EGFLAM: variants seen among roughly 807,000 people sequenced by gnomAD.
The protein encoded by EGFLAM is pikachurin.
Under a neutral mutation model 113.1 loss-of-function variants are expected in EGFLAM, and 79 were observed. The observed-to-expected ratio is 0.70, with a 90% CI of 0.58 to 0.84. The LOEUF is 0.84. Among genes scored for constraint, EGFLAM ranks in the 40% least tolerant of loss-of-function variants. The pLI is 0.00. For synonymous variants in EGFLAM, 504 were observed against 487.6 expected (o/e 1.03, Z -0.44); for missense variants, 1,265 against 1,291.6 (o/e 0.98, Z 0.32).
chr5:38,292,674 A>G (rs1192441551), intron 1 of EGFLAM, among the ~76,000 whole-genome samples: 1 of 152,224 alleles, frequency 6.6e-6, no homozygotes, highest in Non-Finnish European at 1.5e-5. Flanking sequence ...ATGCAAAAGT[A>G]TGTGTTCCTA....
intron 17 of EGFLAM, among the ~76,000 whole-genome samples, chr5:38,440,674 T>C (rs1742504407): frequency 6.6e-6 from 1 of 152,176 alleles, no homozygotes; most frequent in Admixed American, 6.5e-5. Context: ...TAGCCTCATA[T>C]ATTTAAAAGT....
At chr5:38,371,520 A>G (rs1429012888) in intron 6 of EGFLAM, among the ~76,000 whole-genome samples, 1 of 151,998 alleles carries the variant, frequency 6.6e-6, no homozygotes, top group Admixed American at 6.6e-5. Context: ...TTTGAAAACA[A>G]CCTCTACCCT....
At chr5:38,403,680 G>T (rs1047292607) in intron 6 of EGFLAM, 2 of 1,252,422 alleles carry the variant, frequency 1.6e-6, no homozygotes, top group African/African-American at 3.0e-5. Context: ...CTTATGAATT[G>T]TTTATTTCTG....
intron 1 of EGFLAM, among the ~76,000 whole-genome samples, chr5:38,265,112 A>G (rs1180547375): frequency 6.6e-6 from 1 of 152,224 alleles, no homozygotes; most frequent in Non-Finnish European, 1.5e-5. Flanking sequence ...ATTCTTTCTC[A>G]GGGAAGAGTG....
chr5:38,285,422 T>G (rs2111770883), intron 1 of EGFLAM, among the ~76,000 whole-genome samples: 1 of 152,320 alleles, frequency 6.6e-6, no homozygotes, highest in South Asian at 2.1e-4. Context: ...CACAACGGCC[T>G]CATTGTAACT....
chr5:38,299,041 G>T (rs549365439), intron 1 of EGFLAM, among the ~76,000 whole-genome samples: 1 of 152,260 alleles, frequency 6.6e-6, no homozygotes, highest in East Asian at 1.9e-4. Context: ...TTCTTCCTAT[G>T]TAACAGTTGA....
chr5:38,377,580 A>C, intron 6 of EGFLAM, among the ~76,000 whole-genome samples: 1 of 152,238 alleles, frequency 6.6e-6, no homozygotes, highest in East Asian at 1.9e-4. Context: ...CCCTACTGCT[A>C]CTGTATGGGA....
intron 1 of EGFLAM, among the ~76,000 whole-genome samples, chr5:38,334,555 G>T (rs1489062599): frequency 6.6e-6 from 1 of 152,140 alleles, no homozygotes; most frequent in Admixed American, 6.5e-5. Flanking sequence ...ATTACATTAG[G>T]AATTAGAGTT....
chr5:38,274,791 C>A (rs1757846599), intron 1 of EGFLAM, among the ~76,000 whole-genome samples: 1 of 152,144 alleles, frequency 6.6e-6, no homozygotes, highest in Admixed American at 6.5e-5. Flanking sequence ...AGTAAGTACA[C>A]AGTCAAATTC....
At chr5:38,326,119 G>A (rs192990659) in intron 1 of EGFLAM, among the ~76,000 whole-genome samples, 27 of 152,254 alleles carry the variant, frequency 1.8e-4, no homozygotes, top group African/African-American at 6.5e-4. Flanking sequence ...GAGGGCTAGA[G>A]CCCTGGTCTT....
At chr5:38,258,993 A>T (rs776310096) in intron 1 of EGFLAM, 142 bp downstream of exon 1, 4 of 932,716 alleles carry the variant, frequency 4.3e-6, no homozygotes, top group Non-Finnish European at 4.6e-6. Flanking sequence ...CCAGGAGCTG[A>T]GAAAAGACGC....
chr5:38,361,251 T>G (rs1738979296), intron 5 of EGFLAM, among the ~76,000 whole-genome samples: 1 of 152,098 alleles, frequency 6.6e-6, no homozygotes, highest in South Asian at 2.1e-4. Context: ...CCTTCAGGAC[T>G]CCTCTTTAAG....
intron 17 of EGFLAM, chr5:38,445,566 T>C (rs1742679692): frequency 6.3e-7 from 1 of 1,594,952 alleles, no homozygotes; most frequent in Non-Finnish European, 8.5e-7. Flanking sequence ...GGGCAGAGCT[T>C]TGTGAGAGAA....
chr5:38,358,171 C>T (rs1042676560), intron 5 of EGFLAM, among the ~76,000 whole-genome samples: 1 of 151,532 alleles, frequency 6.6e-6, no homozygotes, highest in Non-Finnish European at 1.5e-5. Context: ...CCTGGCCGGG[C>T]GTGGTGGCTC....
chr5:38,372,043 G>A (rs573070421), intron 6 of EGFLAM, among the ~76,000 whole-genome samples: 40 of 152,080 alleles, frequency 2.6e-4, no homozygotes, highest in Non-Finnish European at 3.5e-4. Context: ...CAAGAATGTA[G>A]AATAAAGATG....
intron 6 of EGFLAM, among the ~76,000 whole-genome samples, chr5:38,387,730 T>C (rs1185052913): frequency 6.6e-6 from 1 of 152,270 alleles, no homozygotes; most frequent in Admixed American, 6.5e-5. Context: ...AATACCAATT[T>C]GAAAATGAGA....
In EGFLAM at chr5:38,465,181, A is replaced by G. The variant is rs1436961819; in HGVS notation, c.*1195A>G. ...TCTGGGTGAGAACCAGAGAAACAGGACTTCTTCCTTCTGTACCATGAGCTG... is the reference window on the plus strand; with the variant it reads ...TCTGGGTGAGAACCAGAGAAACAGGGCTTCTTCCTTCTGTACCATGAGCTG... On this transcript the variant is annotated 3_prime_UTR_variant, in exon 22 of 22. Coordinates refer to ENST00000322350, the MANE Select transcript of EGFLAM (RefSeq NM_152403.4). Among the ~76,000 whole-genome samples, 1 of 152,058 alleles carries G rather than the reference A, an allele frequency of 6.6e-6. No individual in the cohort carries two copies. Among genetic ancestry groups the G allele is most frequent in the Non-Finnish European group, 1.5e-5 (1 of 68,024 alleles).
chr5:38,410,103 C>A (rs1448565735), intron 10 of EGFLAM, among the ~76,000 whole-genome samples: 2 of 152,170 alleles, frequency 1.3e-5, no homozygotes, highest in African/African-American at 4.8e-5. Flanking sequence ...CATAAAAGCG[C>A]TTAGAGCAGC....
At chr5:38,462,352 C>T (rs983294307) in intron 20 of EGFLAM, among the ~76,000 whole-genome samples, 6 of 152,104 alleles carry the variant, frequency 3.9e-5, no homozygotes, top group South Asian at 2.1e-4. Context: ...TTCCCTGGCC[C>T]GCTGTCACCT....
Sources: allele counts gnomAD v4.1 joint callset (sites outside exome capture counted in the v4.1 genomes callset), GRCh38; gene constraint gnomAD v4.1.1; transcripts MANE v1.5; gene names NCBI Gene and HGNC (gene_info 2026-07-23, HGNC 2026-07-21).